XPO5: variants seen among roughly 807,000 people sequenced by gnomAD.
XPO5 encodes the protein exportin-5.
In XPO5, 46 loss-of-function variants were observed where a neutral mutation model predicts 160.6. That is an observed-to-expected ratio of 0.29 (90% CI 0.23 to 0.37). The LOEUF is 0.37. Among genes scored for constraint, XPO5 ranks in the 10% least tolerant of loss-of-function variants. The pLI is 1.00. For synonymous variants in XPO5, 537 were observed against 519.3 expected (o/e 1.03, Z -0.46); for missense variants, 1,090 against 1,463.9 (o/e 0.74, Z 4.17).
chr6:43,547,387 G>A, intron 19 of XPO5: 1 of 628,310 alleles, frequency 1.6e-6, no homozygotes, highest in Non-Finnish European at 2.9e-6. Flanking sequence ...GATCCTTAAA[G>A]CCAAAATAAT....
At chr6:43,560,814 G>C in intron 10 of XPO5, 110 bp downstream of exon 10, 1 of 912,086 alleles carries the variant, frequency 1.1e-6, no homozygotes, top group Non-Finnish European at 1.8e-6. Context: ...CATTCCCCAA[G>C]GCCTGAAGAG....
chr6:43,559,616 C>A (rs1387281713), intron 11 of XPO5, among the ~76,000 whole-genome samples: 1 of 152,230 alleles, frequency 6.6e-6, no homozygotes, highest in Admixed American at 6.5e-5. Flanking sequence ...CTTTTAACCC[C>A]TGAATAGCAA....
chr6:43,565,621 A>T, intron 8 of XPO5, 39 bp downstream of exon 8: 1 of 1,504,308 alleles, frequency 6.6e-7, no homozygotes, highest in Non-Finnish European at 8.9e-7. Context: ...AAAAATGACA[A>T]AGAAATTAGA....
chr6:43,543,903 T>C (rs1357197723), intron 20 of XPO5, among the ~76,000 whole-genome samples: 1 of 152,126 alleles, frequency 6.6e-6, no homozygotes, highest in Non-Finnish European at 1.5e-5. Flanking sequence ...TCTCGAACTG[T>C]TGACCTTAAG....
At chr6:43,572,627 T>TAAAGACAAGA in intron 2 of XPO5, 49 bp from the exon 3 acceptor site, 2 of 1,549,414 alleles carry the variant, frequency 1.3e-6, no homozygotes, top group Non-Finnish European at 1.8e-6. Context: ...AGAAGTCTTG[T>TAAAGACAAGA]CTTTACAAGA....
intron 18 of XPO5, 105 bp downstream of exon 18, chr6:43,548,156 C>G: frequency 9.1e-7 from 1 of 1,093,298 alleles, no homozygotes; most frequent in Non-Finnish European, 1.3e-6. Flanking sequence ...TGGATAATGC[C>G]ATCACACTTC....
intron 8 of XPO5, among the ~76,000 whole-genome samples, chr6:43,563,150 G>A (rs981522961): frequency 3.3e-5 from 5 of 151,706 alleles, no homozygotes; most frequent in South Asian, 2.1e-4. Context: ...TTTGAGACAC[G>A]ATCTCGCTGT....
In XPO5 at chr6:43,526,355, T is replaced by C. The variant is rs1371030360; in HGVS notation, c.2983+330A>G. ...TAGTGACAACTGCTATGAAGAAGAA[T>C]AAAGCAGAGGAATACAGAGTAGCTG... On this transcript the variant is annotated intron_variant, in intron 27 of 31. Coordinates refer to ENST00000265351, the MANE Select transcript of XPO5 (RefSeq NM_020750.3). 17 of 413,954 alleles carry C rather than the reference T, an allele frequency of 4.1e-5. No individual in the cohort carries two copies. The South Asian group carries it at 4.3e-4, about 10-fold the overall frequency. The allele number at this position is 413,954 out of a possible 1,614,324, so 25.6% of individuals were successfully genotyped here.
intron 20 of XPO5, chr6:43,539,637 C>T (rs1049253784): frequency 1.7e-5 from 22 of 1,321,884 alleles, no homozygotes; most frequent in South Asian, 1.0e-4. Context: ...CGGAAGCCAC[C>T]GCGGTTCCCC....
At chr6:43,531,648 G>A in intron 21 of XPO5, 73 bp from the exon 22 acceptor site, 1 of 1,301,714 alleles carries the variant, frequency 7.7e-7, no homozygotes, top group Non-Finnish European at 1.1e-6. Flanking sequence ...CTCTACAGCA[G>A]GAAGCTGTTG....
chr6:43,546,665 C>G lies in XPO5; in HGVS notation c.2248G>C (p.Val750Leu). ...DLEEAKAGGF[V>L]VGYTSSGNPI... ...TTTCCACTGGATGTATAACCCACCACAAATCCCCCAGCTTTGGCCTCTTCT... is the reference window on the plus strand; with the variant it reads ...TTTCCACTGGATGTATAACCCACCAGAAATCCCCCAGCTTTGGCCTCTTCT... Residue 750 changes from valine to leucine, a missense_variant, in exon 20 of 32, where the codon GTG becomes CTG. By Grantham distance (32) the Val-to-Leu change is conservative. Transcript: ENST00000265351. The G allele has an allele frequency of 6.2e-7, 1 of 1,613,720 alleles. No homozygotes were observed. The highest frequency in any genetic ancestry group is 8.5e-7 in the Non-Finnish European group (1 of 1,179,816).
At chr6:43,533,255 C>T (rs559527740) in intron 21 of XPO5, 1 of 142,972 alleles carries the variant, frequency 7.0e-6, no homozygotes, top group South Asian at 2.2e-4. Flanking sequence ...CACACACACA[C>T]ACACACACGA....
intron 5 of XPO5, among the ~76,000 whole-genome samples, chr6:43,569,733 C>CAA (rs111780112): frequency 3.8e-5 from 4 of 104,512 alleles, no homozygotes; most frequent in Non-Finnish European, 6.1e-5. Flanking sequence ...ACTCCCTCTC[C>CAA]AAAAAAAAAA....
rs1793360739 is a variant in XPO5 at position 43,523,856 on chromosome 6, C to T, written c.*12G>A. On this transcript the variant is annotated 3_prime_UTR_variant, in exon 32 of 32. Coordinates refer to ENST00000265351, the MANE Select transcript of XPO5 (RefSeq NM_020750.3). The stretch of plus-strand genomic sequence containing the variant: ...ACAAGAAAGGCCGAGGAAGGATGCC[C>T]AAAAGCTTGATTCAGGGTTCAAAGA... The T allele has an allele frequency of 1.9e-6, 3 of 1,613,956 alleles. No homozygotes were observed. The highest frequency in any genetic ancestry group is 2.5e-6 in the Non-Finnish European group (3 of 1,179,878).
At chr6:43,530,068 A>AAC (rs1375225374) in intron 23 of XPO5, among the ~76,000 whole-genome samples, 4 of 152,168 alleles carry the variant, frequency 2.6e-5, no homozygotes, top group African/African-American at 9.7e-5. Context: ...CAGCCTGGCC[A>AAC]ACATGGCGAA....
intron 3 of XPO5, 113 bp downstream of exon 3, chr6:43,572,393 G>T: frequency 9.9e-7 from 1 of 1,014,776 alleles, no homozygotes; most frequent in Non-Finnish European, 1.5e-6. Flanking sequence ...ATGATTTCTT[G>T]TGCTGTCTGA....
At chr6:43,525,495 A>G (rs1030677922) in intron 28 of XPO5, 4 of 501,848 alleles carry the variant, frequency 8.0e-6, no homozygotes, top group Middle Eastern at 5.2e-4. Context: ...TACTTCCTCT[A>G]TTTTTGTGTA....
chr6:43,563,705 G>T (rs1286758081), intron 8 of XPO5, among the ~76,000 whole-genome samples: 1 of 152,128 alleles, frequency 6.6e-6, no homozygotes, highest in African/African-American at 2.4e-5. Flanking sequence ...TAACACAATG[G>T]TAAGTATTTG....
At chr6:43,551,549 G>T (rs1409722766) in intron 14 of XPO5, 96 bp from the exon 15 acceptor site, 3 of 1,442,860 alleles carry the variant, frequency 2.1e-6, no homozygotes, top group Non-Finnish European at 2.9e-6. Flanking sequence ...AAGAGACAGG[G>T]TCTCATTCTG....
Sources: allele counts gnomAD v4.1 joint callset (sites outside exome capture counted in the v4.1 genomes callset), GRCh38; gene constraint gnomAD v4.1.1; transcripts MANE v1.5; gene names NCBI Gene and HGNC (gene_info 2026-07-23, HGNC 2026-07-21).